CFAP91: variants seen among roughly 807,000 people sequenced by gnomAD.
CFAP91 encodes cilia and flagella associated protein 91, also known as cilia- and flagella-associated protein 91.
In CFAP91, 85 loss-of-function variants were observed where a neutral mutation model predicts 95.9. The observed-to-expected ratio is 0.89, with a 90% CI of 0.74 to 1.06. CFAP91 has a LOEUF of 1.06. Among genes scored for constraint, CFAP91 ranks in the 50% least tolerant of loss-of-function variants. The pLI, the probability that CFAP91 is intolerant of heterozygous loss-of-function variation, is 0.00. For missense variants in CFAP91, 962 were observed against 943.4 expected (o/e 1.02, Z -0.26); for synonymous variants, 335 against 327.5 (o/e 1.02, Z -0.25).
chr3:119,708,576 C>A lies in CFAP91; in HGVS notation c.360-15C>A. On this transcript the variant is annotated splice_polypyrimidine_tract_variant and intron_variant, in intron 3 of 17. Coordinates refer to ENST00000273390, the MANE Select transcript of CFAP91 (RefSeq NM_033364.4). ...ATATTTTAGACTTGAATAATGTTTT[C>A]TTGCTTCATTTTAGAACTGACGCTT... The A allele has an allele frequency of 1.3e-6, 2 of 1,544,098 alleles. No individual in the cohort carries two copies. Among genetic ancestry groups the A allele is most frequent in the African/African-American group, 2.7e-5 (2 of 72,844 alleles).
At chr3:119,722,491 T>G (rs1433586338) in intron 6 of CFAP91, among the ~76,000 whole-genome samples, 1 of 151,966 alleles carries the variant, frequency 6.6e-6, no homozygotes, top group African/African-American at 2.4e-5. Flanking sequence ...AAAATTACAT[T>G]CATTTATTTG....
chr3:119,755,920 G>A (rs2054418791), intron 17 of CFAP91, among the ~76,000 whole-genome samples: 1 of 152,166 alleles, frequency 6.6e-6, no homozygotes, highest in African/African-American at 2.4e-5. Flanking sequence ...AGAAGAGAGA[G>A]AAGGATAGAT....
chr3:119,751,172 CTCAAACAA>C (rs1418304164), intron 17 of CFAP91, 74 bp downstream of exon 17: 2 of 1,468,380 alleles, frequency 1.4e-6, no homozygotes, highest in Non-Finnish European at 1.8e-6. Flanking sequence ...TTGTGCTGTG[CTCAAACAA>C]TCATAATGTG....
chr3:119,739,392 T>A, intron 12 of CFAP91, 66 bp downstream of exon 12: 1 of 1,443,996 alleles, frequency 6.9e-7, no homozygotes, highest in South Asian at 1.1e-5. Flanking sequence ...AATGCATATG[T>A]GCTTGGTTCC....
At chr3:119,711,498 A>G (rs975013582) in intron 5 of CFAP91, among the ~76,000 whole-genome samples, 2 of 152,182 alleles carry the variant, frequency 1.3e-5, no homozygotes, top group Non-Finnish European at 2.9e-5. Flanking sequence ...GCAGTGATGA[A>G]CACCATGACC....
intron 3 of CFAP91, among the ~76,000 whole-genome samples, chr3:119,708,118 A>G (rs558025007): frequency 1.2e-3 from 175 of 152,120 alleles, no homozygotes; most frequent in African/African-American, 4.0e-3. Context: ...CGTCTCTACT[A>G]AAAATACAAA....
chr3:119,722,941 A>G (rs999936916), intron 6 of CFAP91, among the ~76,000 whole-genome samples: 10 of 152,342 alleles, frequency 6.6e-5, no homozygotes, highest in African/African-American at 2.2e-4. Context: ...ATATTTATCA[A>G]TGGGAAACTC....
intron 7 of CFAP91, among the ~76,000 whole-genome samples, chr3:119,728,693 T>A (rs773271374): frequency 6.6e-6 from 1 of 152,194 alleles, no homozygotes; most frequent in Non-Finnish European, 1.5e-5. Flanking sequence ...TGTGACATCT[T>A]GCTGTCCCTC....
intron 6 of CFAP91, among the ~76,000 whole-genome samples, chr3:119,725,111 G>A (rs1303920923): frequency 6.6e-6 from 1 of 152,162 alleles, no homozygotes; most frequent in Admixed American, 6.5e-5. Context: ...ATAAAACAAA[G>A]GTTGGCTTAT....
intron 13 of CFAP91, 124 bp downstream of exon 13, chr3:119,740,819 A>C: frequency 2.0e-4 from 183 of 919,208 alleles, no homozygotes; most frequent in East Asian, 5.3e-4. Context: ...CCACAATCCC[A>C]TCACTCTGTC....
intron 10 of CFAP91, among the ~76,000 whole-genome samples, chr3:119,734,742 C>T (rs2053968551): frequency 6.6e-6 from 1 of 152,098 alleles, no homozygotes; most frequent in Non-Finnish European, 1.5e-5. Flanking sequence ...TTTTCTTTCT[C>T]ATTTTGACTA....
intron 10 of CFAP91, among the ~76,000 whole-genome samples, chr3:119,735,568 A>C (rs2053985406): frequency 6.6e-6 from 1 of 152,208 alleles, no homozygotes; most frequent in Admixed American, 6.5e-5. Flanking sequence ...CCTCTAACTC[A>C]ATTGCATTGT....
chr3:119,750,391 C>A (rs77001698), intron 16 of CFAP91: 1 of 158,132 alleles, frequency 6.3e-6, no homozygotes. Flanking sequence ...AGGTGCTTAC[C>A]CTGATAGTGA....
chr3:119,721,498 G>C (rs769752287), intron 6 of CFAP91, among the ~76,000 whole-genome samples: 1 of 152,232 alleles, frequency 6.6e-6, no homozygotes, highest in Non-Finnish European at 1.5e-5. Context: ...GCCTGGCTAT[G>C]ATCTCTCCTT....
chr3:119,747,577 CTG>C (rs907422579), intron 15 of CFAP91: 27 of 573,474 alleles, frequency 4.7e-5, no homozygotes, highest in Non-Finnish European at 7.9e-5. Flanking sequence ...TATGTATAAG[CTG>C]TGTTTCCAAC....
intron 6 of CFAP91, among the ~76,000 whole-genome samples, chr3:119,717,950 G>A (rs1341009410): frequency 1.3e-5 from 2 of 152,134 alleles, no homozygotes; most frequent in Non-Finnish European, 2.9e-5. Flanking sequence ...CTCCAGGTGG[G>A]CATGAGGCCT....
intron 1 of CFAP91, among the ~76,000 whole-genome samples, chr3:119,705,654 C>T (rs188308621): frequency 1.3e-5 from 2 of 152,192 alleles, no homozygotes; most frequent in Non-Finnish European, 2.9e-5. Context: ...ATCTTCCTTA[C>T]CCGATTTCTT....
chr3:119,726,250 C>A lies in CFAP91; in HGVS notation c.762C>A (p.Leu254=), dbSNP rs1250441446. 6.2e-7 allele frequency: 1 copy of A among 1,613,868 alleles called. No homozygotes were observed. The highest frequency in any genetic ancestry group is 1.1e-5 in the South Asian group (1 of 91,020). Residue 254 remains leucine (L), a synonymous_variant, in exon 7 of 18, where the codon CTC becomes CTA. Transcript: ENST00000273390. ...AGAAGCGTGCTTGGGAAGCCTCTCTCCCCGCTCTGAGTGACACCTCCCAGT... is the reference window on the plus strand; with the variant it reads ...AGAAGCGTGCTTGGGAAGCCTCTCTACCCGCTCTGAGTGACACCTCCCAGT... ...AREKRAWEAS[L]PALSDTSQFE... is the part of the protein sequence containing the mutation.
At chr3:119,705,597 C>T (rs1417899590) in intron 1 of CFAP91, among the ~76,000 whole-genome samples, 1 of 152,214 alleles carries the variant, frequency 6.6e-6, no homozygotes, top group Non-Finnish European at 1.5e-5. Context: ...TTACATGCCA[C>T]CTTCTCAAGG....
Sources: gnomAD v4.1 joint callset for allele counts (sites outside exome capture counted in the v4.1 genomes callset) on GRCh38, gnomAD v4.1.1 for gene constraint, MANE v1.5 for transcripts, NCBI Gene and HGNC (gene_info 2026-07-23, HGNC 2026-07-21) for gene names.